The following SEPTIN10 variants were observed in gnomAD, a reference collection of about 807,000 sequenced individuals.
The protein encoded by SEPTIN10 is septin 10.
Under a neutral mutation model 54.8 loss-of-function variants are expected in SEPTIN10, and 66 were observed. The ratio of observed to expected loss-of-function variants is 1.21; its 90% CI spans 0.99 to 1.48. SEPTIN10 has a LOEUF of 1.48. Ranked by LOEUF, SEPTIN10 falls within the 40% of genes most tolerant of loss-of-function variation. SEPTIN10 has a pLI of 0.00. For synonymous variants in SEPTIN10, 161 were observed against 181.0 expected, an observed-to-expected ratio of 0.89 and a Z score of 0.89; for missense variants, 620 against 545.6, an observed-to-expected ratio of 1.14 and a Z score of -1.36.
intron 2 of SEPTIN10, among the ~76,000 whole-genome samples, chr2:109,586,508 G>C (rs1319917754): frequency 6.6e-6 from 1 of 152,202 alleles, no homozygotes; most frequent in African/African-American, 2.4e-5. Context: ...GGAGATTGGG[G>C]CAGGCAGATT....
chr2:109,565,832 T>C lies in SEPTIN10; in HGVS notation c.790A>G (p.Ser264Gly), dbSNP rs760123201. 2.5e-6 allele frequency: 4 copies of C among 1,614,060 alleles called. No homozygotes were observed. The highest frequency in any genetic ancestry group is 3.3e-5 in the Admixed American group (2 of 60,012). The part of the protein sequence containing the change: ...NGQLPFAVVG[S>G]MDEVKVGNKM... ...TTTCCGACTTTTACCTCATCCATAC[T>C]TCCCACAACAGCAAACGGCAACTGT... The change falls in exon 7 of 11, where the codon AGT (serine) becomes GGT (glycine). Residue 264 changes from serine to glycine, a missense_variant. Transcript: ENST00000397712.
At chr2:109,570,665 G>A (rs889145481) in intron 5 of SEPTIN10, among the ~76,000 whole-genome samples, 1 of 151,438 alleles carries the variant, frequency 6.6e-6, no homozygotes, top group Non-Finnish European at 1.5e-5. Context: ...GGGATTACAG[G>A]TGCCTGCCAC....
chr2:109,579,811 T>C (rs1690661830), intron 4 of SEPTIN10, among the ~76,000 whole-genome samples: 1 of 152,034 alleles, frequency 6.6e-6, no homozygotes, highest in Non-Finnish European at 1.5e-5. Flanking sequence ...TAACACAATC[T>C]TGATTTAAAA....
At chr2:109,605,757 T>C (rs1697801502) in intron 1 of SEPTIN10, 1 of 152,228 alleles carries the variant, frequency 6.6e-6, no homozygotes, top group Admixed American at 6.5e-5. Flanking sequence ...ACATGGAAAC[T>C]GTAAATTATA....
At chr2:109,567,760 A>C in intron 6 of SEPTIN10, 55 bp downstream of exon 6, 1 of 1,489,900 alleles carries the variant, frequency 6.7e-7, no homozygotes. Flanking sequence ...TTACTCACAA[A>C]TTACAGTTTT....
At chr2:109,594,132 G>C (rs564977066) in intron 1 of SEPTIN10, among the ~76,000 whole-genome samples, 18 of 152,096 alleles carry the variant, frequency 1.2e-4, no homozygotes, top group African/African-American at 4.1e-4. Context: ...TTCACTGTTC[G>C]CAACAGTAGA....
intron 1 of SEPTIN10, 62 bp downstream of exon 1, chr2:109,613,736 G>A: frequency 9.0e-7 from 1 of 1,105,558 alleles, no homozygotes; most frequent in Non-Finnish European, 1.1e-6. Context: ...TGGGTCGAGG[G>A]CGGGAAGTCC....
intron 1 of SEPTIN10, among the ~76,000 whole-genome samples, chr2:109,603,820 G>A (rs1697232337): frequency 6.6e-6 from 1 of 152,104 alleles, no homozygotes; most frequent in Non-Finnish European, 1.5e-5. Flanking sequence ...TGGGTCCTGA[G>A]GTCAGCAGTT....
chr2:109,574,491 AG>A, intron 5 of SEPTIN10, 89 bp downstream of exon 5: 1 of 783,058 alleles, frequency 1.3e-6, no homozygotes, highest in Non-Finnish European at 1.8e-6. Context: ...ACAGGATAAA[AG>A]TTACAATATA....
chr2:109,559,808 T>A (rs951422225), intron 8 of SEPTIN10, among the ~76,000 whole-genome samples: 1 of 151,976 alleles, frequency 6.6e-6, no homozygotes, highest in African/African-American at 2.4e-5. Flanking sequence ...TGGTTTCAGT[T>A]CATTCATTCC....
At chr2:109,576,901 A>G (rs1377752705) in intron 4 of SEPTIN10, among the ~76,000 whole-genome samples, 1 of 152,224 alleles carries the variant, frequency 6.6e-6, no homozygotes, top group African/African-American at 2.4e-5. Context: ...AACAGAAAAG[A>G]GGGCAGAAGC....
chr2:109,584,523 C>T (rs751794686), intron 4 of SEPTIN10, among the ~76,000 whole-genome samples: 31 of 137,722 alleles, frequency 2.3e-4, no homozygotes, highest in East Asian at 8.3e-4. Context: ...AAAAGGAAAA[C>T]GAACAAAAAG....
chr2:109,585,001 A>G (rs1692136637), intron 4 of SEPTIN10, 125 bp downstream of exon 4: 1 of 450,558 alleles, frequency 2.2e-6, no homozygotes, highest in Non-Finnish European at 3.8e-6. Flanking sequence ...TTTATTTTTA[A>G]AACAATGTGT....
chr2:109,556,291 A>G (rs1228463849), intron 8 of SEPTIN10, among the ~76,000 whole-genome samples: 5 of 152,210 alleles, frequency 3.3e-5, no homozygotes, highest in Non-Finnish European at 7.3e-5. Flanking sequence ...AGAGAATACA[A>G]ATTCACTTTC....
intron 2 of SEPTIN10, among the ~76,000 whole-genome samples, chr2:109,592,339 C>T (rs190011649): frequency 2.4e-4 from 37 of 152,130 alleles, no homozygotes; most frequent in Admixed American, 7.9e-4. Flanking sequence ...GTGGCACACA[C>T]CTGTAATCCC....
At chr2:109,577,100 C>T (rs1308256786) in intron 4 of SEPTIN10, among the ~76,000 whole-genome samples, 2 of 151,944 alleles carry the variant, frequency 1.3e-5, no homozygotes, top group Admixed American at 1.3e-4. Flanking sequence ...AAGGAGAGGA[C>T]CCTTAAGGGA....
chr2:109,592,234 G>A (rs1027812209), intron 2 of SEPTIN10, among the ~76,000 whole-genome samples: 6 of 151,768 alleles, frequency 4.0e-5, no homozygotes, highest in Non-Finnish European at 5.9e-5. Flanking sequence ...GGAGGCTGAG[G>A]GAGGCAAATC....
At chr2:109,575,332 C>A (rs1270540836) in intron 4 of SEPTIN10, among the ~76,000 whole-genome samples, 1 of 152,206 alleles carries the variant, frequency 6.6e-6, no homozygotes, top group Non-Finnish European at 1.5e-5. Flanking sequence ...AAGTCCATGA[C>A]TCTTTGCCTC....
At chr2:109,588,244 C>G (rs1343216383) in intron 2 of SEPTIN10, among the ~76,000 whole-genome samples, 1 of 151,968 alleles carries the variant, frequency 6.6e-6, no homozygotes, top group Non-Finnish European at 1.5e-5. Flanking sequence ...AAAAAATGAT[C>G]AAAGTTCTTC....
Sources: gnomAD v4.1 joint callset for allele counts (sites outside exome capture counted in the v4.1 genomes callset) on GRCh38, gnomAD v4.1.1 for gene constraint, MANE v1.5 for transcripts, NCBI Gene and HGNC (gene_info 2026-07-23, HGNC 2026-07-21) for gene names.